Variants in C4orf51 observed in about 807,000 individuals in gnomAD.
C4orf51 encodes uncharacterized protein C4orf51.
In C4orf51, 25 loss-of-function variants were observed where a neutral mutation model predicts 25.2. The observed-to-expected ratio is 0.99, with a 90% CI of 0.72 to 1.39. The LOEUF (loss-of-function observed/expected upper bound fraction) is 1.39, where lower values mean the gene tolerates loss of function less well. C4orf51 is among the 40% of genes most tolerant of loss of function. C4orf51 has a pLI of 0.00. For synonymous variants in C4orf51, 100 were observed against 84.5 expected, an observed-to-expected ratio of 1.18 and a Z score of -1.01; for missense variants, 252 against 239.6, an observed-to-expected ratio of 1.05 and a Z score of -0.34.
At position 145,763,806 on chromosome 4, in the gene C4orf51, C is replaced by T. The variant is rs988766174; in HGVS notation, n.167-7182C>T. ...GCTCTTCCTAGGCATTTCCCATCTA[C>T]TGGTTTCCTTGAATTATAATCACCC... On this transcript the variant is annotated intron_variant and non_coding_transcript_variant, in intron 1 of 1. Transcript: ENST00000510096. This position sits in a 1 kb window ranked among gnomAD's most constrained non-coding sequence, Gnocchi z 4.6. Among the ~76,000 whole-genome samples the T allele has an allele frequency of 6.6e-6, 1 of 152,240 alleles. No individual in the cohort carries two copies. The highest frequency in any genetic ancestry group is 1.5e-5 in the Non-Finnish European group (1 of 68,042).
At chr4:145,702,435 A>T (rs1730515484) in intron 2 of C4orf51, among the ~76,000 whole-genome samples, 1 of 152,046 alleles carries the variant, frequency 6.6e-6, no homozygotes, top group African/African-American at 2.4e-5. Context: ...TCAGCAAATT[A>T]CCTGGGCTGT....
chr4:145,722,895 T>C (rs763900155), intron 2 of C4orf51, among the ~76,000 whole-genome samples: 4 of 152,184 alleles, frequency 2.6e-5, no homozygotes, highest in South Asian at 2.1e-4. Flanking sequence ...TGCATGCTCC[T>C]TATGAGAATC....
At chr4:145,776,310 A>G in the C4orf51 span, among the ~76,000 whole-genome samples, 2 of 151,992 alleles carry the variant, frequency 1.3e-5, no homozygotes, top group Non-Finnish European at 2.9e-5. Context: ...ATTTTTAAAA[A>G]ATTAGTCAGG....
intron 2 of C4orf51, among the ~76,000 whole-genome samples, chr4:145,699,451 C>T (rs550243769): frequency 6.6e-6 from 1 of 152,102 alleles, no homozygotes; most frequent in South Asian, 2.1e-4. Context: ...TCTTCTCCAA[C>T]CTCCCTCACT....
chr4:145,734,798 C>T (rs1007881574), downstream of C4orf51, among the ~76,000 whole-genome samples: 3 of 152,226 alleles, frequency 2.0e-5, no homozygotes, highest in African/African-American at 4.8e-5. Context: ...ACAGACCATA[C>T]ATGGCAGCCC....
chr4:145,777,552 G>C, the C4orf51 span, among the ~76,000 whole-genome samples: 3 of 152,126 alleles, frequency 2.0e-5, no homozygotes, highest in African/African-American at 7.2e-5. Flanking sequence ...TGTCATCTAA[G>C]TGTTCAGCTT....
At chr4:145,702,123 A>C (rs1430292563) in intron 2 of C4orf51, among the ~76,000 whole-genome samples, 1 of 151,942 alleles carries the variant, frequency 6.6e-6, no homozygotes, top group Non-Finnish European at 1.5e-5. Flanking sequence ...GCCTGTTATC[A>C]CTCGCCTGCT....
chr4:145,686,409 CTT>C (rs1729154412), intron 1 of C4orf51, among the ~76,000 whole-genome samples: 1 of 152,100 alleles, frequency 6.6e-6, no homozygotes, highest in East Asian at 1.9e-4. Flanking sequence ...TAAATTTTCT[CTT>C]GTGTGTATTT....
intron 1 of C4orf51, chr4:145,759,494 A>T (rs1004694997): frequency 6.6e-6 from 1 of 152,186 alleles, no homozygotes; most frequent in Non-Finnish European, 1.5e-5. Context: ...ATTACTAATA[A>T]CATGGAGGAT....
rs1312491850 is a variant in C4orf51, at chr4:145,681,419, A to G, written c.233+983A>G. 5.3e-5 allele frequency among the ~76,000 whole-genome samples: 8 copies of G among 152,346 alleles called. No homozygotes were observed. In the East Asian group the frequency reaches 1.5e-3, roughly 29 times the overall value. Reference sequence around the variant, plus strand: ...GAAGTACTTCTCAATTGGGTGCCTTATCTGGTTTAGTCCAACAAAGTATAA... The same window carrying G: ...GAAGTACTTCTCAATTGGGTGCCTTGTCTGGTTTAGTCCAACAAAGTATAA... On this transcript the variant is annotated intron_variant, in intron 1 of 5. Coordinates refer to ENST00000438731, the MANE Select transcript of C4orf51 (RefSeq NM_001080531.3).
chr4:145,686,240 G>A lies in C4orf51; in HGVS notation c.233+5804G>A, dbSNP rs371620757. On this transcript the variant is annotated intron_variant, in intron 1 of 5. Transcript: ENST00000438731. ...AAAAAGTAGAATACATGTTACCAGAGGCTAGGAAGAGGGGGAAATGGGGAG... is the reference window on the plus strand; with the variant it reads ...AAAAAGTAGAATACATGTTACCAGAAGCTAGGAAGAGGGGGAAATGGGGAG... 1.9e-4 allele frequency among the ~76,000 whole-genome samples: 29 copies of A among 152,282 alleles called. No homozygotes were observed. In the East Asian group the frequency reaches 1.9e-3, roughly 10 times the overall value.
intron 2 of C4orf51, among the ~76,000 whole-genome samples, chr4:145,717,592 T>G (rs1731490705): frequency 6.6e-6 from 1 of 152,250 alleles, no homozygotes; most frequent in South Asian, 2.1e-4. Context: ...TTGTAACTAG[T>G]GGACTTTGGT....
chr4:145,720,080 T>A (rs767677475), intron 2 of C4orf51, among the ~76,000 whole-genome samples: 17 of 152,038 alleles, frequency 1.1e-4, no homozygotes, highest in Non-Finnish European at 2.2e-4. Flanking sequence ...ATCCTGGAGG[T>A]TGTGGCCCCA....
chr4:145,776,013 C>T, downstream of C4orf51: 2 of 1,602,612 alleles, frequency 1.2e-6, no homozygotes, highest in South Asian at 1.1e-5. Flanking sequence ...AAAGGAAGTC[C>T]CAACACCTTG....
At chr4:145,691,815 T>A (rs1328266112) in intron 1 of C4orf51, among the ~76,000 whole-genome samples, 1 of 91,910 alleles carries the variant, frequency 1.1e-5, no homozygotes, top group Non-Finnish European at 2.1e-5. Context: ...ACCTATTGGG[T>A]ACTAAGTTCA....
At chr4:145,757,788 T>G (rs868359567), downstream of C4orf51, 2 of 151,440 alleles carry the variant, frequency 1.3e-5, no homozygotes, top group African/African-American at 4.8e-5. Flanking sequence ...CAATACAAAT[T>G]TTCAGTAATG....
In C4orf51 at chr4:145,744,548, G is replaced by A. The variant is rs537858468; in HGVS notation, n.168-9659G>A. On this transcript the variant is annotated intron_variant and non_coding_transcript_variant, in intron 1 of 1. Coordinates refer to the C4orf51 transcript ENST00000508981. ...TAAAGAGATGGGACCTTGGCTGGGC[G>A]CGGTGGCTCACACCTCTAATCCCAG... Among the ~76,000 whole-genome samples the A allele has an allele frequency of 2.6e-4, 40 of 152,192 alleles. No individual in the cohort carries two copies. The South Asian group carries it at 3.7e-3, about 14-fold the overall frequency.
At chr4:145,700,733 G>A (rs1414486507) in intron 2 of C4orf51, among the ~76,000 whole-genome samples, 1 of 151,894 alleles carries the variant, frequency 6.6e-6, no homozygotes, top group Non-Finnish European at 1.5e-5. Context: ...CCAACCCCAA[G>A]CGTCGCTGAG....
At chr4:145,789,739 C>T in the C4orf51 span, among the ~76,000 whole-genome samples, 16 of 152,300 alleles carry the variant, frequency 1.1e-4, no homozygotes, top group Non-Finnish European at 2.1e-4. Context: ...ATTTATTTCA[C>T]CAGAGACAGA....
Sources: gnomAD v4.1 joint callset for allele counts (sites outside exome capture counted in the v4.1 genomes callset) on GRCh38, gnomAD v4.1.1 for gene constraint, Gnocchi (gnomAD v3.1) non-coding constraint, MANE v1.5 for transcripts, NCBI Gene and HGNC (gene_info 2026-07-23, HGNC 2026-07-21) for gene names.